Variants in MASP1 observed in about 807,000 individuals in gnomAD.
MASP1 encodes the protein MBL associated serine protease 1, also known as mannan-binding lectin serine protease 1.
Under a neutral mutation model 77.1 loss-of-function variants are expected in MASP1, and 59 were observed. The ratio of observed to expected loss-of-function variants is 0.77; its 90% CI spans 0.62 to 0.95. MASP1 has a LOEUF of 0.95. Among genes scored for constraint, MASP1 ranks in the 40% least tolerant of loss-of-function variants. The pLI is 0.00. For missense variants in MASP1, 885 were observed against 912.9 expected, an observed-to-expected ratio of 0.97 and a Z score of 0.39; for synonymous variants, 362 against 354.5, an observed-to-expected ratio of 1.02 and a Z score of -0.24.
chr3:187,261,249 C>T (rs918071746), intron 3 of MASP1, among the ~76,000 whole-genome samples: 5 of 152,172 alleles, frequency 3.3e-5, no homozygotes, highest in East Asian at 1.9e-4. Context: ...GATGAAATGG[C>T]GACATAGAGG....
chr3:187,241,339 TA>T lies in MASP1; in HGVS notation c.1303+141del. The T allele has an allele frequency of 4.1e-6, 3 of 727,068 alleles. No homozygotes were observed. The Admixed American group carries it at 6.0e-5, about 15-fold the overall frequency. 45.0% of individuals were successfully genotyped at this position (727,068 alleles called of 1,614,324 possible). The stretch of plus-strand genomic sequence containing the variant: ...TGTGAAGCAAGTCTTCTCTGACCTT[TA>T]ACCTTTTGAAGACATCTCTTAAAAA... On this transcript the variant is annotated intron_variant, in intron 10 of 10. Transcript: ENST00000296280.
At chr3:187,226,343 G>T in intron 12 of MASP1, 1 of 1,202,302 alleles carries the variant, frequency 8.3e-7, no homozygotes. Flanking sequence ...CTTGGAAAGG[G>T]CCAGTAGGTC....
chr3:187,257,033 T>A (rs1281093367), intron 4 of MASP1, among the ~76,000 whole-genome samples, 173 bp from the exon 5 acceptor site: 1 of 152,100 alleles, frequency 6.6e-6, no homozygotes. Context: ...GTCTAGTAAT[T>A]TACCGAGCTG....
At chr3:187,268,045 G>C (rs1716189613) in intron 2 of MASP1, among the ~76,000 whole-genome samples, 1 of 152,172 alleles carries the variant, frequency 6.6e-6, no homozygotes, top group Non-Finnish European at 1.5e-5. Context: ...AGAATATGTG[G>C]CTTCAGTTTT....
At chr3:187,255,604 C>T (rs1715005251) in intron 5 of MASP1, among the ~76,000 whole-genome samples, 2 of 152,212 alleles carry the variant, frequency 1.3e-5, no homozygotes, top group Non-Finnish European at 2.9e-5. Context: ...GTGGCCTATG[C>T]TTCCTGCTAA....
At position 187,291,418 on chromosome 3, in the gene MASP1, G is replaced by A. The variant is rs66486845; in HGVS notation, c.5+210C>T. The stretch of plus-strand genomic sequence containing the variant: ...GAGCAGGATTTGCACGAAGTCTCCC[G>A]TTTCAAGTTTTATGTCTCCTGGAGT... On this transcript the variant is annotated intron_variant, in intron 1 of 10. Coordinates refer to ENST00000296280, the MANE Select transcript of MASP1 (RefSeq NM_139125.4). 2.5e-3 allele frequency: 1,633 copies of A among 641,388 alleles called. 23 individuals are homozygous for A. The African/African-American group carries it at 0.026, about 10-fold the overall frequency. 39.7% of individuals were successfully genotyped at this position (641,388 alleles called of 1,614,324 possible).
intron 4 of MASP1, among the ~76,000 whole-genome samples, chr3:187,258,077 G>A (rs1032179198): frequency 3.3e-5 from 5 of 152,224 alleles, no homozygotes; most frequent in Non-Finnish European, 7.3e-5. Flanking sequence ...TCCCTACACT[G>A]AAAGCATAAA....
rs1486697025 is a variant in MASP1 at position 187,291,688 on chromosome 3, C to T, written c.-56G>A. The T allele has an allele frequency of 6.2e-7, 1 of 1,611,884 alleles. No individual in the cohort carries two copies. ...GCCTTGGTCCTCCCAGCTTGACTTG[C>T]CTGTGAGCTCGTGCCCGGTGTGGTG... On this transcript the variant is annotated 5_prime_UTR_variant, in exon 1 of 11. Transcript: ENST00000296280.
chr3:187,233,310 T>G (rs1050903707), downstream of MASP1, among the ~76,000 whole-genome samples: 1 of 152,198 alleles, frequency 6.6e-6, no homozygotes, highest in Admixed American at 6.5e-5. Context: ...ACAGTTCAAA[T>G]AGAGCATGCC....
Position 187,291,716 on chromosome 3 carries a change from C to T in MASP1, c.-84G>A, listed in dbSNP as rs755563783. On this transcript the variant is annotated 5_prime_UTR_variant, in exon 1 of 11. Transcript: ENST00000296280. ...GTGAGCTCGTGCCCGGTGTGGTGTCCGTGATGCCTTATCTTTGTTCTGAGG... is the reference window on the plus strand; with the variant it reads ...GTGAGCTCGTGCCCGGTGTGGTGTCTGTGATGCCTTATCTTTGTTCTGAGG... The T allele has an allele frequency of 3.9e-5, 60 of 1,525,840 alleles. No individual in the cohort carries two copies. In the South Asian group the frequency reaches 4.5e-4, roughly 11 times the overall value. The allele number at this position is 1,525,840 out of a possible 1,614,324, so 94.5% of individuals were successfully genotyped here. A position where few individuals can be genotyped will look rare whatever the true frequency, so the allele number is the denominator to read the frequency against.
At chr3:187,282,495 CAAA>C (rs113211164) in intron 2 of MASP1, among the ~76,000 whole-genome samples, 5 of 131,090 alleles carry the variant, frequency 3.8e-5, no homozygotes, top group African/African-American at 8.9e-5. Flanking sequence ...GATTCCGTTT[CAAA>C]AAAAAAAAAA....
chr3:187,236,593 A>T (rs1024898611), intron 10 of MASP1, 26 bp from the exon 11 acceptor site: 22 of 1,613,384 alleles, frequency 1.4e-5, no homozygotes, highest in Non-Finnish European at 1.8e-5. Context: ...GGGAGCAGGG[A>T]CAAGAGACAG....
chr3:187,282,855 T>G (rs940216788), intron 2 of MASP1, among the ~76,000 whole-genome samples: 23 of 152,194 alleles, frequency 1.5e-4, no homozygotes, highest in African/African-American at 5.5e-4. Flanking sequence ...GCCGCCACCA[T>G]GTTAATCTCT....
At position 187,234,566 on chromosome 3, in the gene MASP1, G is replaced by A. The variant is rs1293595986; in HGVS notation, c.*1118C>T. On this transcript the variant is annotated 3_prime_UTR_variant, in exon 11 of 11. Coordinates refer to ENST00000296280, the MANE Select transcript of MASP1 (RefSeq NM_139125.4). ...TGGCTCTTTTCACTGCCTGCCATGG[G>A]TGAGCCTCTGATTCCTTTGACTCTG... is the stretch of plus-strand genomic sequence containing the variant. 1 of 1,287,130 alleles carries A rather than the reference G, an allele frequency of 7.8e-7. No homozygotes were observed. Among genetic ancestry groups the A allele is most frequent in the African/African-American group, 1.5e-5 (1 of 65,802 alleles). 79.7% of individuals were successfully genotyped at this position (1,287,130 alleles called of 1,614,324 possible).
rs76272449 is a variant in MASP1, at chr3:187,256,020, C to T, written c.744+644G>A. ...TGCTGGTTTTACTTTCCACATATCT[C>T]GAAAATATCTCCCCCATTATCCCAG... On this transcript the variant is annotated intron_variant, in intron 5 of 10. Coordinates refer to ENST00000296280, the MANE Select transcript of MASP1 (RefSeq NM_139125.4). Among the ~76,000 whole-genome samples, 77 of 152,256 alleles carry T rather than the reference C, an allele frequency of 5.1e-4. No homozygotes were observed. In the East Asian group the frequency reaches 0.013, roughly 25 times the overall value.
rs575283174 is a variant in MASP1 at position 187,241,943 on chromosome 3, C to T, written c.1229-388G>A. The T allele has an allele frequency of 1.9e-3, 548 of 281,476 alleles. 1 individual carries two copies. The highest frequency in any genetic ancestry group is 3.9e-3 in the Admixed American group (85 of 21,572). The allele number at this position is 281,476 out of a possible 1,614,324, so 17.4% of individuals were successfully genotyped here. On this transcript the variant is annotated intron_variant, in intron 9 of 10. Coordinates refer to ENST00000296280, the MANE Select transcript of MASP1 (RefSeq NM_139125.4). ...GTCACCCCCAAAAATAAACACCACA[C>T]TCTTCAGCATGGTGTCTGTCCAAAG...
intron 4 of MASP1, among the ~76,000 whole-genome samples, chr3:187,260,353 G>A (rs1040619757): frequency 5.3e-5 from 8 of 152,184 alleles, no homozygotes; most frequent in African/African-American, 9.7e-5. Context: ...GGAACTTAGG[G>A]GCCATGGAAA....
intron 2 of MASP1, among the ~76,000 whole-genome samples, chr3:187,285,241 A>G (rs995712505): frequency 1.9e-4 from 29 of 151,762 alleles, no homozygotes; most frequent in East Asian, 5.8e-4. Context: ...TACTTTTTAC[A>G]TCTACTTCTG....
intron 11 of MASP1, among the ~76,000 whole-genome samples, chr3:187,228,055 C>T (rs555608344): frequency 1.2e-4 from 18 of 151,976 alleles, no homozygotes; most frequent in African/African-American, 2.4e-4. Context: ...CCAGCTTGGC[C>T]GAGGGTAGAG....
Sources: allele counts gnomAD v4.1 joint callset (sites outside exome capture counted in the v4.1 genomes callset), GRCh38; gene constraint gnomAD v4.1.1; transcripts MANE v1.5; gene names NCBI Gene and HGNC (gene_info 2026-07-23, HGNC 2026-07-21).